DPY19L2: variants seen among roughly 807,000 people sequenced by gnomAD.
The protein encoded by DPY19L2 is probable C-mannosyltransferase DPY19L2.
A neutral mutation model predicts 97.9 loss-of-function variants in DPY19L2; 34 were observed. The ratio of observed to expected loss-of-function variants is 0.35; its 90% CI spans 0.26 to 0.46. The LOEUF is 0.46. Ranked by LOEUF, DPY19L2 falls within the 20% of genes least tolerant of loss-of-function variation. The pLI is 1.00. For missense variants in DPY19L2, 623 were observed against 911.4 expected, an observed-to-expected ratio of 0.68 and a Z score of 4.07; for synonymous variants, 230 against 307.9, an observed-to-expected ratio of 0.75 and a Z score of 2.65.
intron 4 of DPY19L2, among the ~76,000 whole-genome samples, chr12:63,659,631 G>A (rs147892967): frequency 0.017 from 2,618 of 152,108 alleles, 80 homozygotes; most frequent in African/African-American, 0.06. Context: ...TAGATCAAGA[G>A]AATAATAGAG....
chr12:63,594,680 G>A (rs1256534929), intron 15 of DPY19L2, among the ~76,000 whole-genome samples: 6 of 151,796 alleles, frequency 4.0e-5, no homozygotes, highest in Admixed American at 1.3e-4. Context: ...GTATGCACAT[G>A]CCCCTGCTAG....
intron 21 of DPY19L2, among the ~76,000 whole-genome samples, chr12:63,564,250 T>C (rs1451896981): frequency 1.3e-5 from 2 of 152,142 alleles, no homozygotes; most frequent in East Asian, 3.9e-4. Context: ...ATTCTAATCT[T>C]TATGCTTTCT....
chr12:63,628,781 C>T (rs1007842466), intron 6 of DPY19L2, among the ~76,000 whole-genome samples: 2 of 151,226 alleles, frequency 1.3e-5, no homozygotes, highest in African/African-American at 4.9e-5. Flanking sequence ...AAGTGGGTCC[C>T]TGACCTCCGA....
At chr12:63,590,322 C>T (rs1025426922) in intron 16 of DPY19L2, among the ~76,000 whole-genome samples, 2 of 152,072 alleles carry the variant, frequency 1.3e-5, no homozygotes, top group Non-Finnish European at 2.9e-5. Flanking sequence ...GAAATGGACA[C>T]TCTCATCATT....
chr12:63,655,937 G>C (rs1382111425), intron 4 of DPY19L2, among the ~76,000 whole-genome samples: 1 of 152,168 alleles, frequency 6.6e-6, no homozygotes, highest in African/African-American at 2.4e-5. Flanking sequence ...TGAACAATTT[G>C]AGTTTAATTC....
In DPY19L2 at chr12:63,570,810, A is replaced by G. The variant is rs568982896; in HGVS notation, c.1948T>C (p.Ser650Pro). ...TGATTCACAATGGGATGAAGTGTAG[A>G]CAGCTTGATGCTTGCCATTGTAGGC... ...AMPTMASIKL[S>P]TLHPIVNHPH... The change falls in exon 20 of 22, where the codon TCT becomes CCT. Residue 650 changes from serine (S) to proline (P), a missense_variant. Transcript: ENST00000324472. The G allele has an allele frequency of 1.2e-6, 2 of 1,613,118 alleles. No individual in the cohort carries two copies. Among genetic ancestry groups the G allele is most frequent in the Non-Finnish European group, 1.7e-6 (2 of 1,179,508 alleles).
chr12:63,629,861 T>G (rs899710967), intron 6 of DPY19L2, among the ~76,000 whole-genome samples: 14 of 152,166 alleles, frequency 9.2e-5, no homozygotes, highest in Non-Finnish European at 1.5e-4. Context: ...GACTAACAGC[T>G]GATCTCTTGG....
intron 21 of DPY19L2, among the ~76,000 whole-genome samples, chr12:63,564,543 T>C (rs983653460): frequency 3.9e-5 from 6 of 152,192 alleles, no homozygotes; most frequent in Admixed American, 2.0e-4. Flanking sequence ...AATTTCCATA[T>C]AGAATTCTGT....
In DPY19L2 at chr12:63,574,936, A is replaced by C. The variant is rs551397738; in HGVS notation, c.1901-4079T>G. ...AAATCAACAAAGAAACACTGAACTTAATCTGCACTATAGATCAAAAGGACC... is the reference window on the plus strand; with the variant it reads ...AAATCAACAAAGAAACACTGAACTTCATCTGCACTATAGATCAAAAGGACC... On this transcript the variant is annotated intron_variant, in intron 19 of 21. Transcript: ENST00000324472. 2.5e-4 allele frequency among the ~76,000 whole-genome samples: 38 copies of C among 152,144 alleles called. 2 individuals are homozygous for C. The South Asian group carries it at 7.7e-3, about 31-fold the overall frequency.
chr12:63,604,913 T>C (rs1282452830), intron 12 of DPY19L2, among the ~76,000 whole-genome samples: 1 of 152,194 alleles, frequency 6.6e-6, no homozygotes, highest in East Asian at 1.9e-4. Context: ...GTTTTTCTAC[T>C]GTGTCCAGTA....
At chr12:63,658,703 C>T (rs1315037174) in intron 4 of DPY19L2, among the ~76,000 whole-genome samples, 2 of 152,152 alleles carry the variant, frequency 1.3e-5, no homozygotes, top group African/African-American at 4.8e-5. Flanking sequence ...GACTTGTCCT[C>T]TTCTCCAAGG....
intron 2 of DPY19L2, among the ~76,000 whole-genome samples, chr12:63,665,020 T>C (rs1389706369): frequency 1.3e-5 from 2 of 151,372 alleles, no homozygotes; most frequent in Non-Finnish European, 2.9e-5. Context: ...GGAAATATTA[T>C]TTTACAAATT....
At chr12:63,624,564 A>G (rs555570503) in intron 7 of DPY19L2, among the ~76,000 whole-genome samples, 1 of 152,306 alleles carries the variant, frequency 6.6e-6, no homozygotes, top group South Asian at 2.1e-4. Flanking sequence ...GAGAGTTTCT[A>G]CATAACAAGT....
At chr12:63,601,806 G>C (rs890035958) in intron 12 of DPY19L2, among the ~76,000 whole-genome samples, 7 of 151,922 alleles carry the variant, frequency 4.6e-5, no homozygotes, top group Admixed American at 3.9e-4. Context: ...GTGCAAGAAG[G>C]AAAAAGTATC....
chr12:63,608,982 T>C (rs1223659840), intron 11 of DPY19L2, among the ~76,000 whole-genome samples: 1 of 152,112 alleles, frequency 6.6e-6, no homozygotes, highest in Non-Finnish European at 1.5e-5. Flanking sequence ...AGAGCAACCA[T>C]GCAAGTCTGT....
chr12:63,600,787 GTTT>G (rs71086688), intron 12 of DPY19L2, among the ~76,000 whole-genome samples: 1 of 133,050 alleles, frequency 7.5e-6, no homozygotes, highest in African/African-American at 2.9e-5. Context: ...TCTAAAGGAA[GTTT>G]TTTTTTTTTT....
At chr12:63,597,645 T>TTA (rs397721533) in intron 14 of DPY19L2, among the ~76,000 whole-genome samples, 164 bp downstream of exon 14, 1 of 151,092 alleles carries the variant, frequency 6.6e-6, no homozygotes, top group African/African-American at 2.4e-5. Context: ...CTTTTTTTTT[T>TTA]AACAGACAAA....
chr12:63,663,311 A>G (rs989890440), intron 3 of DPY19L2, among the ~76,000 whole-genome samples: 4 of 149,036 alleles, frequency 2.7e-5, no homozygotes, highest in African/African-American at 4.9e-5. Context: ...GTATTGAAAA[A>G]CAGAAAATTA....
At chr12:63,602,755 GA>G (rs1431651803) in intron 12 of DPY19L2, among the ~76,000 whole-genome samples, 1 of 152,006 alleles carries the variant, frequency 6.6e-6, no homozygotes, top group Non-Finnish European at 1.5e-5. Flanking sequence ...GTATTTTTAA[GA>G]AACTTTAAAA....
Sources: gnomAD v4.1 joint callset for allele counts (sites outside exome capture counted in the v4.1 genomes callset) on GRCh38, gnomAD v4.1.1 for gene constraint, MANE v1.5 for transcripts, NCBI Gene and HGNC (gene_info 2026-07-23, HGNC 2026-07-21) for gene names.